PIK3CD: variants seen among roughly 807,000 people sequenced by gnomAD.
The protein encoded by PIK3CD is phosphatidylinositol 4,5-bisphosphate 3-kinase catalytic subunit delta isoform.
A neutral mutation model predicts 122.9 loss-of-function variants in PIK3CD; 20 were observed. The ratio of observed to expected loss-of-function variants is 0.16; its 90% CI spans 0.11 to 0.24. The LOEUF (loss-of-function observed/expected upper bound fraction) is 0.24, where lower values mean the gene tolerates loss of function less well. Ranked by LOEUF, PIK3CD falls within the 10% of genes least tolerant of loss-of-function variation. The probability of loss-of-function intolerance (pLI) is 1.00; values close to 1 mark genes in which losing one functional copy is unlikely to be tolerated. For missense variants in PIK3CD, 787 were observed against 1,406.3 expected, an observed-to-expected ratio of 0.56 and a Z score of 7.04; for synonymous variants, 596 against 593.4, an observed-to-expected ratio of 1.00 and a Z score of -0.06.
chr1:9,724,285 A>G lies in PIK3CD; in HGVS notation c.2728A>G (p.Ile910Val), dbSNP rs749536854. ...TCTCCCCTCCCCTCAGCTGTTCCAC[A>G]TTGATTTTGGCCACTTTCTGGGGAA... Reference protein sequence around the residue: ...MIRESGQLFHIDFGHFLGNFK... With the variant: ...MIRESGQLFHVDFGHFLGNFK... The change falls in exon 22 of 24, where the codon ATT becomes GTT. Residue 910 changes from isoleucine to valine, a missense_variant. Ile to Val is a conservative substitution (Grantham distance 29). Around this residue, in one of 6 missense-constraint regions of PIK3CD, gnomAD observed 17 missense variants for 97.0 expected, o/e 0.18. Coordinates refer to ENST00000377346, the MANE Select transcript of PIK3CD (RefSeq NM_005026.5). This position sits in a 1 kb window ranked among gnomAD's most constrained non-coding sequence, Gnocchi z 7.3. 4 of 1,613,834 alleles carry G rather than the reference A, an allele frequency of 2.5e-6. No individual in the cohort carries two copies. The East Asian group carries it at 8.9e-5, about 36-fold the overall frequency.
chr1:9,646,812 G>A (rs578083070), upstream of PIK3CD, among the ~76,000 whole-genome samples: 31 of 151,824 alleles, frequency 2.0e-4, no homozygotes, highest in Admixed American at 1.6e-3. Context: ...AATTAGGGCC[G>A]GGCTTGGTGG....
chr1:9,667,499 C>A (rs1227143813), intron 1 of PIK3CD, among the ~76,000 whole-genome samples: 1 of 151,968 alleles, frequency 6.6e-6, no homozygotes, highest in African/African-American at 2.4e-5. Flanking sequence ...GCCTCAGCCT[C>A]CCAAGTAGCT....
the PIK3CD span, among the ~76,000 whole-genome samples, chr1:9,642,237 T>C: frequency 2.0e-5 from 3 of 151,828 alleles, no homozygotes; most frequent in Admixed American, 1.3e-4. Context: ...CTCAGCCTCC[T>C]GAGTAGCTGG....
At position 9,720,600 on chromosome 1, in the gene PIK3CD, G is replaced by A. The variant is rs201538905; in HGVS notation, c.1471-11G>A. On this transcript the variant is annotated splice_polypyrimidine_tract_variant and intron_variant, in intron 11 of 23. Coordinates refer to ENST00000377346, the MANE Select transcript of PIK3CD (RefSeq NM_005026.5). This position sits in a 1 kb window ranked among gnomAD's most constrained non-coding sequence, Gnocchi z 9.0. ...GCCCCTGGGGACGCTGAGTGCAGCC[G>A]TTTGTTGCAGATCTTGGAGCTGGGG... The A allele has an allele frequency of 5.2e-5, 69 of 1,334,038 alleles. No homozygotes were observed. In the African/African-American group the frequency reaches 8.7e-4, roughly 17 times the overall value. The allele number at this position is 1,334,038 out of a possible 1,614,324, so 82.6% of individuals were successfully genotyped here. A position where few individuals can be genotyped will look rare whatever the true frequency, so the allele number is the denominator to read the frequency against.
At chr1:9,692,253 A>G (rs1191766451) in intron 2 of PIK3CD, among the ~76,000 whole-genome samples, 1 of 152,142 alleles carries the variant, frequency 6.6e-6, no homozygotes, top group Non-Finnish European at 1.5e-5. Context: ...GGTGCATAAC[A>G]TATTCTGTGT....
At chr1:9,630,846 A>G in the PIK3CD span, among the ~76,000 whole-genome samples, 24 of 152,144 alleles carry the variant, frequency 1.6e-4, no homozygotes, top group Admixed American at 2.6e-4. Context: ...CTGGAGCTAC[A>G]AGTCCCGGCT....
chr1:9,680,254 G>C (rs1452061601), intron 1 of PIK3CD, among the ~76,000 whole-genome samples: 1 of 145,872 alleles, frequency 6.9e-6, no homozygotes, highest in Non-Finnish European at 1.5e-5. Context: ...AGGATTACAG[G>C]TGTCAGTCAC....
chr1:9,661,281 T>C (rs1465016019), intron 1 of PIK3CD, among the ~76,000 whole-genome samples: 1 of 152,174 alleles, frequency 6.6e-6, no homozygotes, highest in African/African-American at 2.4e-5. Context: ...GGTTTCATCA[T>C]GTTGGCCAGG....
the PIK3CD span, among the ~76,000 whole-genome samples, chr1:9,632,047 T>C: frequency 6.6e-6 from 1 of 150,468 alleles, no homozygotes; most frequent in Non-Finnish European, 1.5e-5. Context: ...AATTTTGCTC[T>C]TGTTGCCCAG....
At chr1:9,679,063 CTTTTTTTTTTTT>C (rs148088382) in intron 1 of PIK3CD, among the ~76,000 whole-genome samples, 7 of 116,574 alleles carry the variant, frequency 6.0e-5, no homozygotes, top group Non-Finnish European at 1.0e-4. Flanking sequence ...TCAGGAGAAA[CTTTTTTTTTTTT>C]TTTTTTTTTT....
At chr1:9,659,581 T>C (rs769573483) in intron 1 of PIK3CD, among the ~76,000 whole-genome samples, 16 of 152,166 alleles carry the variant, frequency 1.1e-4, no homozygotes, top group Non-Finnish European at 2.2e-4. Context: ...GCTGTCTCTG[T>C]GCTTTTGACA....
rs1045235772 is a variant in PIK3CD at position 9,689,169 on chromosome 1, G to A, written c.-137-2298G>A. Reference sequence around the variant, plus strand: ...CGGAAAGCAGTTTGGTGGACGACCAGCCCTCCCTTGCTTTGCAGGTGGCGC... The same window carrying A: ...CGGAAAGCAGTTTGGTGGACGACCAACCCTCCCTTGCTTTGCAGGTGGCGC... On this transcript the variant is annotated intron_variant, in intron 1 of 23. Coordinates refer to ENST00000377346, the MANE Select transcript of PIK3CD (RefSeq NM_005026.5). This position sits in a 1 kb window ranked among gnomAD's most constrained non-coding sequence, Gnocchi z 6.1. Among the ~76,000 whole-genome samples the A allele has an allele frequency of 6.6e-6, 1 of 152,194 alleles. No homozygotes were observed.
chr1:9,630,088 A>G, the PIK3CD span, among the ~76,000 whole-genome samples: 4 of 152,214 alleles, frequency 2.6e-5, no homozygotes, highest in Non-Finnish European at 4.4e-5. Context: ...CGGGGGGAGC[A>G]GAGGAGTCCT....
chr1:9,701,864 A>T (rs1004397740), intron 2 of PIK3CD, among the ~76,000 whole-genome samples: 8 of 152,106 alleles, frequency 5.3e-5, no homozygotes, highest in African/African-American at 1.9e-4. Flanking sequence ...TGGCCACCAA[A>T]AATCTGCCTT....
intron 1 of PIK3CD, among the ~76,000 whole-genome samples, chr1:9,656,582 T>G (rs1644861430): frequency 6.6e-6 from 1 of 152,056 alleles, no homozygotes; most frequent in Non-Finnish European, 1.5e-5. Flanking sequence ...TGAGCCATGA[T>G]TGAGCCTGTG....
intron 1 of PIK3CD, among the ~76,000 whole-genome samples, chr1:9,683,037 C>CTTT (rs773555400): frequency 2.4e-5 from 3 of 123,516 alleles, no homozygotes; most frequent in Admixed American, 8.4e-5. Context: ...GGCCCTGGAC[C>CTTT]TTTTTTTTTT....
Position 9,719,444 on chromosome 1 carries a change from A to G in PIK3CD, c.1243-477A>G, listed in dbSNP as rs1209533729. On this transcript the variant is annotated intron_variant, in intron 9 of 23. Coordinates refer to ENST00000377346, the MANE Select transcript of PIK3CD (RefSeq NM_005026.5). The surrounding 1 kb of genome is among the most constrained non-coding windows in gnomAD (Gnocchi z 5.5). ...GGGAGGCCAAGGTGGTCGGCTTACA[A>G]GGTCAGGAGTTTGAGACCAGCCTGG... Among the ~76,000 whole-genome samples the G allele has an allele frequency of 1.3e-5, 2 of 152,138 alleles. No individual in the cohort carries two copies. The highest frequency in any genetic ancestry group is 6.5e-5 in the Admixed American group (1 of 15,274).
chr1:9,721,993 C>G lies in PIK3CD; in HGVS notation c.2074C>G (p.Leu692Val), dbSNP rs1481047336. 1.2e-6 allele frequency: 2 copies of G among 1,613,572 alleles called. No individual in the cohort carries two copies. The highest frequency in any genetic ancestry group is 1.7e-6 in the Non-Finnish European group (2 of 1,180,038). Reference sequence around the variant, plus strand: ...CCACCAGGGGGAAGCACTGAGCAAACTGAAGGCCCTGAATGACTTCGTCAA... The same window carrying G: ...CCACCAGGGGGAAGCACTGAGCAAAGTGAAGGCCCTGAATGACTTCGTCAA... ...LMKQGEALSK[L>V]KALNDFVKLS... Residue 692 changes from leucine to valine, a missense_variant, in exon 17 of 24, where the codon CTG (leucine) becomes GTG (valine). Leu to Val is a conservative substitution (Grantham distance 32, BLOSUM62 1). This residue lies in a region of PIK3CD where 48 missense variants were observed against 71.9 expected (regional missense o/e 0.67). Transcript: ENST00000377346.
In PIK3CD at chr1:9,722,294, T is replaced by C; in HGVS notation, c.2285T>C (p.Met762Thr). 1.2e-6 allele frequency: 2 copies of C among 1,613,730 alleles called. No homozygotes were observed. The highest frequency in any genetic ancestry group is 1.7e-6 in the Non-Finnish European group (2 of 1,179,938). ...TCCAAGATGAAGCCCCTGTGGATCA[T>C]GTACAGCAACGAGGAGGCAGGCAGC... ...MDSKMKPLWI[M>T]YSNEEAGSGG... The change falls in exon 18 of 24, where the codon ATG becomes ACG. Residue 762 changes from methionine (M) to threonine (T), a missense_variant. Transcript: ENST00000377346. This position sits in a 1 kb window ranked among gnomAD's most constrained non-coding sequence, Gnocchi z 7.6.
Sources: allele counts gnomAD v4.1 joint callset (sites outside exome capture counted in the v4.1 genomes callset), GRCh38; gene constraint gnomAD v4.1.1; regional missense constraint gnomAD v4.1.1; non-coding constraint Gnocchi (gnomAD v3.1); transcripts MANE v1.5; gene names NCBI Gene and HGNC (gene_info 2026-07-23, HGNC 2026-07-21).